Variants in KIF3B observed in about 807,000 individuals in gnomAD.
KIF3B encodes the protein kinesin-like protein KIF3B.
KIF3B carries 38 observed loss-of-function variants against 74.3 expected under a neutral mutation model. That is an observed-to-expected ratio of 0.51 (90% CI 0.39 to 0.67). KIF3B has a LOEUF of 0.67. Among genes scored for constraint, KIF3B ranks in the 30% least tolerant of loss-of-function variants. The pLI is 0.00. For missense variants in KIF3B, 649 were observed against 932.0 expected (o/e 0.70, Z 3.95); for synonymous variants, 326 against 342.5 (o/e 0.95, Z 0.53).
At chr20:32,308,560 ACCACCACGCCCAG>A (rs2047783787) in intron 1 of KIF3B, among the ~76,000 whole-genome samples, 1 of 151,790 alleles carries the variant, frequency 6.6e-6, no homozygotes. Context: ...ACAGGTGCCC[ACCACCACGCCCAG>A]CCAATTTTTG....
chr20:32,303,957 A>G (rs1216757662), intron 1 of KIF3B, among the ~76,000 whole-genome samples: 1 of 152,118 alleles, frequency 6.6e-6, no homozygotes, highest in East Asian at 1.9e-4. Context: ...ACCCTCTGAC[A>G]AGGGTTTTGG....
chr20:32,334,647 G>A lies in KIF3B; in HGVS notation c.*3328G>A, dbSNP rs2047946952. 6.6e-6 allele frequency: 1 copy of A among 152,338 alleles called. No individual in the cohort carries two copies. Among genetic ancestry groups the A allele is most frequent in the Admixed American group, 6.5e-5 (1 of 15,268 alleles). The allele number at this position is 152,338 out of a possible 1,614,324, so 9.4% of individuals were successfully genotyped here. A position where few individuals can be genotyped will look rare whatever the true frequency, so the allele number is the denominator to read the frequency against. ...AAAGCCATACTAAAAATGCTCTGAG[G>A]GAACTGGCTAAGAATAGTGGGCCTG... is the stretch of plus-strand genomic sequence containing the variant. On this transcript the variant is annotated 3_prime_UTR_variant, in exon 9 of 9. Coordinates refer to ENST00000375712, the MANE Select transcript of KIF3B (RefSeq NM_004798.4).
At chr20:32,319,576 GTTTTTGTTTTTTTTT>G (rs1332949478) in intron 5 of KIF3B, among the ~76,000 whole-genome samples, 1 of 98,334 alleles carries the variant, frequency 1.0e-5, no homozygotes, top group Non-Finnish European at 2.1e-5. Context: ...TTTTTGTTTT[GTTTTTGTTTTTTTTT>G]TTTTTTTTTT....
At chr20:32,328,568 G>A (rs1011195739) in intron 7 of KIF3B, among the ~76,000 whole-genome samples, 1 of 151,462 alleles carries the variant, frequency 6.6e-6, no homozygotes, top group Admixed American at 6.6e-5. Context: ...AGCCAAGATC[G>A]TGCCACTGCA....
chr20:32,318,866 T>C (rs1230442434), intron 5 of KIF3B, among the ~76,000 whole-genome samples: 1 of 152,178 alleles, frequency 6.6e-6, no homozygotes, highest in East Asian at 1.9e-4. Context: ...CTGGGTCATA[T>C]GGTAACTCAG....
At chr20:32,293,121 G>A (rs1447954648) in intron 1 of KIF3B, among the ~76,000 whole-genome samples, 1 of 152,110 alleles carries the variant, frequency 6.6e-6, no homozygotes, top group African/African-American at 2.4e-5. Context: ...GGATGTGGTG[G>A]GGTGTGCTTA....
At chr20:32,300,108 TTTG>T (rs1196113294) in intron 1 of KIF3B, among the ~76,000 whole-genome samples, 7 of 113,244 alleles carry the variant, frequency 6.2e-5, no homozygotes, top group African/African-American at 2.1e-4. Flanking sequence ...TTTGTTTTGT[TTTG>T]TTTTGTTTAC....
intron 1 of KIF3B, among the ~76,000 whole-genome samples, chr20:32,308,384 T>C (rs1225408284): frequency 1.3e-5 from 2 of 152,032 alleles, no homozygotes; most frequent in Admixed American, 6.6e-5. Context: ...TCACCACCCC[T>C]GGCTAATTTT....
In KIF3B at chr20:32,331,279, C is replaced by T; in HGVS notation, c.2204C>T (p.Ser735Phe). The T allele has an allele frequency of 6.2e-7, 1 of 1,613,720 alleles. No homozygotes were observed. The highest frequency in any genetic ancestry group is 1.7e-5 in the Admixed American group (1 of 59,900). The change falls in exon 9 of 9, where the codon TCT becomes TTT. Residue 735 changes from serine to phenylalanine, a missense_variant. By Grantham distance (155) the Ser-to-Phe change is radical (BLOSUM62 -2). Coordinates refer to ENST00000375712, the MANE Select transcript of KIF3B (RefSeq NM_004798.4). ...SSSSSSGTPA[S>F]QLYPQSRGLV... ...TCCTCTTCCTCAGGAACCCCTGCAT[C>T]TCAGCTTTATCCACAGTCTCGGGGG...
At chr20:32,320,615 A>G (rs2047855580) in intron 5 of KIF3B, among the ~76,000 whole-genome samples, 1 of 151,524 alleles carries the variant, frequency 6.6e-6, no homozygotes, top group Admixed American at 6.6e-5. Context: ...TCTTGGGTTC[A>G]AGTAATCTTC....
chr20:32,321,797 CTG>C (rs2047861138), intron 5 of KIF3B, among the ~76,000 whole-genome samples: 1 of 152,106 alleles, frequency 6.6e-6, no homozygotes, highest in Non-Finnish European at 1.5e-5. Flanking sequence ...CTTCATGTCT[CTG>C]TGTAAGCATT....
intron 1 of KIF3B, among the ~76,000 whole-genome samples, chr20:32,291,117 G>A (rs1292637814): frequency 6.6e-6 from 1 of 151,968 alleles, no homozygotes; most frequent in Non-Finnish European, 1.5e-5. Context: ...GGGGAAATGG[G>A]GAATTGTTCA....
At chr20:32,302,583 A>G (rs1269951781) in intron 1 of KIF3B, among the ~76,000 whole-genome samples, 1 of 152,136 alleles carries the variant, frequency 6.6e-6, no homozygotes, top group Non-Finnish European at 1.5e-5. Flanking sequence ...CCGCCTTCTC[A>G]GAAGTCTGTA....
intron 1 of KIF3B, among the ~76,000 whole-genome samples, chr20:32,301,694 C>T (rs2047745090): frequency 6.6e-6 from 1 of 152,010 alleles, no homozygotes; most frequent in East Asian, 1.9e-4. Context: ...TTTTAAATAC[C>T]AGGTGGGCCA....
rs71185398 is a variant in KIF3B, at chr20:32,292,583, G to GAAAAAA, written c.-66+14836_-66+14841dup. 8.3e-3 allele frequency among the ~76,000 whole-genome samples: 595 copies of GAAAAAA among 71,568 alleles called. 10 individuals are homozygous for GAAAAAA. The highest frequency in any genetic ancestry group is 0.012 in the Non-Finnish European group (436 of 35,310). The allele number at this position is 71,568 out of a possible 152,430, so 47.0% of individuals were successfully genotyped here. A position where few individuals can be genotyped will look rare whatever the true frequency, so the allele number is the denominator to read the frequency against. ...TGAAACCTCGTCTCTACTAAAAATAGAAAAAAAAAAAAAAAAAAAAAAAGA... is the reference window on the plus strand; with the variant it reads ...TGAAACCTCGTCTCTACTAAAAATAGAAAAAAAAAAAAAAAAAAAAAAAAAAAAAGA... On this transcript the variant is annotated intron_variant, in intron 1 of 8. Coordinates refer to ENST00000375712, the MANE Select transcript of KIF3B (RefSeq NM_004798.4).
intron 5 of KIF3B, among the ~76,000 whole-genome samples, chr20:32,323,803 G>A (rs1412615486): frequency 5.3e-5 from 8 of 152,012 alleles, no homozygotes; most frequent in Non-Finnish European, 1.0e-4. Context: ...GCTTGAACCT[G>A]GAAGGCGGAG....
intron 5 of KIF3B, among the ~76,000 whole-genome samples, chr20:32,323,482 C>T (rs1269342735): frequency 6.6e-6 from 1 of 151,542 alleles, no homozygotes; most frequent in Admixed American, 6.6e-5. Context: ...TCACTGCAAA[C>T]TCTGCCTCCC....
intron 1 of KIF3B, among the ~76,000 whole-genome samples, chr20:32,301,085 CTT>C (rs950388063): frequency 2.2e-5 from 2 of 90,170 alleles, no homozygotes; most frequent in Non-Finnish European, 2.2e-5. Flanking sequence ...GCTTCATGGT[CTT>C]TTTTTTTTTT....
At chr20:32,320,481 ATGTGTG>A (rs145644184) in intron 5 of KIF3B, among the ~76,000 whole-genome samples, 3 of 141,674 alleles carry the variant, frequency 2.1e-5, no homozygotes, top group East Asian at 2.0e-4. Context: ...CTTTCTTCAT[ATGTGTG>A]TGTGTGTGTG....
Sources: gnomAD v4.1 joint callset for allele counts (sites outside exome capture counted in the v4.1 genomes callset) on GRCh38, gnomAD v4.1.1 for gene constraint, MANE v1.5 for transcripts, NCBI Gene and HGNC (gene_info 2026-07-23, HGNC 2026-07-21) for gene names.